The following LRRC37A2 variants were observed in gnomAD, a reference collection of about 807,000 sequenced individuals.
The protein encoded by LRRC37A2 is leucine-rich repeat-containing protein 37A2.
Under a neutral mutation model 68.8 loss-of-function variants are expected in LRRC37A2, and 9 were observed. The ratio of observed to expected loss-of-function variants is 0.13; its 90% CI spans 0.08 to 0.23. LRRC37A2 has a LOEUF of 0.23. Among genes scored for constraint, LRRC37A2 ranks in the 10% least tolerant of loss-of-function variants. The probability of loss-of-function intolerance (pLI) is 1.00; values close to 1 mark genes in which losing one functional copy is unlikely to be tolerated. For synonymous variants in LRRC37A2, 63 were observed against 367.6 expected, an observed-to-expected ratio of 0.17 and a Z score of 9.48; for missense variants, 168 against 950.4, an observed-to-expected ratio of 0.18 and a Z score of 10.82.
the LRRC37A2 span, chr17:46,979,020 CCGGGGGTCT>C: frequency 7.2e-7 from 1 of 1,393,038 alleles, no homozygotes; most frequent in South Asian, 1.6e-5. Flanking sequence ...CCGCGCGGCG[CCGGGGGTCT>C]CGGCGCGCAG....
the LRRC37A2 span, among the ~76,000 whole-genome samples, chr17:46,784,348 C>T: frequency 1.3e-5 from 2 of 152,208 alleles, no homozygotes; most frequent in South Asian, 2.1e-4. Context: ...CCAGGCACCA[C>T]GTAGAGACAG....
chr17:46,400,943 T>G, the LRRC37A2 span, among the ~76,000 whole-genome samples: 1 of 104,064 alleles, frequency 9.6e-6, no homozygotes, highest in Non-Finnish European at 2.2e-5. Flanking sequence ...TTTTCACTCC[T>G]TTTGAAGGAC....
chr17:46,921,453 A>G, the LRRC37A2 span, among the ~76,000 whole-genome samples: 7 of 152,232 alleles, frequency 4.6e-5, no homozygotes, highest in East Asian at 1.9e-4. Flanking sequence ...CACCAAAAGC[A>G]ATGACAACGA....
chr17:46,914,050 C>T, the LRRC37A2 span, among the ~76,000 whole-genome samples: 1 of 152,086 alleles, frequency 6.6e-6, no homozygotes, highest in South Asian at 2.1e-4. Flanking sequence ...TGAGCCACCG[C>T]ACCCAGCCTA....
chr17:46,724,153 C>T, the LRRC37A2 span, among the ~76,000 whole-genome samples: 1 of 152,142 alleles, frequency 6.6e-6, no homozygotes, highest in African/African-American at 2.4e-5. Context: ...CCACCCTTTC[C>T]ACTGGTTAAC....
the LRRC37A2 span, among the ~76,000 whole-genome samples, chr17:46,746,503 C>G: frequency 6.6e-6 from 1 of 152,010 alleles, no homozygotes; most frequent in Non-Finnish European, 1.5e-5. Context: ...TCCCGATAGC[C>G]CATTTATTTT....
the LRRC37A2 span, among the ~76,000 whole-genome samples, chr17:46,875,908 A>G: frequency 6.6e-6 from 1 of 152,060 alleles, no homozygotes; most frequent in Non-Finnish European, 1.5e-5. Context: ...TTATGAGATT[A>G]AGTTCTGAGT....
chr17:46,491,360 T>G, the LRRC37A2 span, among the ~76,000 whole-genome samples: 3 of 147,426 alleles, frequency 2.0e-5, no homozygotes, highest in South Asian at 6.3e-4. Context: ...AAAAAATTAA[T>G]TTTGAATTCA....
the LRRC37A2 span, among the ~76,000 whole-genome samples, chr17:46,986,066 T>A: frequency 2.0e-5 from 3 of 152,202 alleles, no homozygotes; most frequent in Non-Finnish European, 4.4e-5. Context: ...CCTAAACAGA[T>A]TTCATTGCTA....
chr17:46,778,807 G>A, the LRRC37A2 span, among the ~76,000 whole-genome samples: 3 of 151,798 alleles, frequency 2.0e-5, no homozygotes, highest in Non-Finnish European at 2.9e-5. Context: ...CCCGGCCCCC[G>A]GCAACCATTC....
chr17:46,818,970 T>C, the LRRC37A2 span, among the ~76,000 whole-genome samples: 2 of 152,068 alleles, frequency 1.3e-5, no homozygotes, highest in African/African-American at 4.8e-5. Flanking sequence ...GACCCTCTGC[T>C]ACCGCCGCGG....
chr17:46,747,861 C>T, the LRRC37A2 span, among the ~76,000 whole-genome samples: 1 of 151,950 alleles, frequency 6.6e-6, no homozygotes, highest in Non-Finnish European at 1.5e-5. Context: ...AAATGTATTT[C>T]CTAGAACTGA....
chr17:46,994,697 T>C, the LRRC37A2 span, among the ~76,000 whole-genome samples: 1 of 151,952 alleles, frequency 6.6e-6, no homozygotes, highest in Non-Finnish European at 1.5e-5. Flanking sequence ...TGAGGATGCT[T>C]TTCTCAGCAT....
At chr17:46,622,261 G>T in the LRRC37A2 span, among the ~76,000 whole-genome samples, 16,049 of 128,784 alleles carry the variant, frequency 0.12, 2,137 homozygotes, top group East Asian at 0.53. Context: ...ATCGAGACCA[G>T]CCTGGCTAAC....
At chr17:46,861,142 C>A in the LRRC37A2 span, among the ~76,000 whole-genome samples, 1 of 152,264 alleles carries the variant, frequency 6.6e-6, no homozygotes, top group Non-Finnish European at 1.5e-5. Context: ...CCCCTTAGGG[C>A]AGCTCTGTCC....
At chr17:46,904,485 GAT>G in the LRRC37A2 span, among the ~76,000 whole-genome samples, 1 of 150,498 alleles carries the variant, frequency 6.6e-6, no homozygotes, top group Non-Finnish European at 1.5e-5. Context: ...TGGATGGATG[GAT>G]GGATGGGTGG....
At chr17:46,905,906 G>A in the LRRC37A2 span, among the ~76,000 whole-genome samples, 1 of 152,068 alleles carries the variant, frequency 6.6e-6, no homozygotes, top group African/African-American at 2.4e-5. Flanking sequence ...CTGCCCCAGT[G>A]TGAAGGAAAG....
chr17:46,908,742 AG>A, the LRRC37A2 span, among the ~76,000 whole-genome samples: 1 of 152,194 alleles, frequency 6.6e-6, no homozygotes, highest in African/African-American at 2.4e-5. Context: ...AGTGCCTCCC[AG>A]GGGCCTCCGT....
At chr17:46,832,875 G>T in the LRRC37A2 span, 1 of 164,662 alleles carries the variant, frequency 6.1e-6, no homozygotes, top group East Asian at 1.8e-4. Context: ...GTCCATCCAG[G>T]TTAGGGGGGT....
Sources: gnomAD v4.1 joint callset for allele counts (sites outside exome capture counted in the v4.1 genomes callset) on GRCh38, gnomAD v4.1.1 for gene constraint, MANE v1.5 for transcripts, NCBI Gene and HGNC (gene_info 2026-07-23, HGNC 2026-07-21) for gene names.